Variants in PDE11A observed in about 807,000 individuals in gnomAD.
PDE11A encodes the protein dual 3',5'-cyclic-AMP and -GMP phosphodiesterase 11A.
In PDE11A, 100 loss-of-function variants were observed where a neutral mutation model predicts 100.5. The observed-to-expected ratio is 1.00, with a 90% confidence interval of 0.85 to 1.18. PDE11A has a LOEUF of 1.18. PDE11A is among the 50% of genes most tolerant of loss of function. The pLI, the probability that PDE11A is intolerant of heterozygous loss-of-function variation, is 0.00. For missense variants in PDE11A, 1,141 were observed against 1,152.6 expected (o/e 0.99, Z 0.15); for synonymous variants, 381 against 420.8 (o/e 0.91, Z 1.16).
At chr2:178,095,050 C>G (rs1484078159) in intron 2 of PDE11A, among the ~76,000 whole-genome samples, 1 of 152,168 alleles carries the variant, frequency 6.6e-6, no homozygotes, top group East Asian at 1.9e-4. Flanking sequence ...CATTCCACCC[C>G]TGACCCCTTC....
At chr2:177,847,845 C>T (rs192798754) in intron 5 of PDE11A, among the ~76,000 whole-genome samples, 1 of 152,170 alleles carries the variant, frequency 6.6e-6, no homozygotes, top group African/African-American at 2.4e-5. Context: ...TTTGCCCATA[C>T]CCCTCTCTGT....
At chr2:177,834,328 G>T (rs1398393605) in intron 6 of PDE11A, among the ~76,000 whole-genome samples, 1 of 152,154 alleles carries the variant, frequency 6.6e-6, no homozygotes, top group Non-Finnish European at 1.5e-5. Context: ...TTTTCTGAAG[G>T]CAGAGGAAAC....
chr2:177,638,588 G>C (rs2080089380), intron 19 of PDE11A, among the ~76,000 whole-genome samples: 1 of 151,484 alleles, frequency 6.6e-6, no homozygotes, highest in South Asian at 2.1e-4. Context: ...TTATATTGTT[G>C]GGTGATGGAT....
At chr2:178,018,887 A>G (rs2086373419) in intron 1 of PDE11A, among the ~76,000 whole-genome samples, 1 of 152,184 alleles carries the variant, frequency 6.6e-6, no homozygotes, top group African/African-American at 2.4e-5. Context: ...GAGGATTTGT[A>G]TTCAAGAAAC....
intron 2 of PDE11A, among the ~76,000 whole-genome samples, chr2:177,947,579 AAG>A (rs2085458955): frequency 6.6e-6 from 1 of 151,802 alleles, no homozygotes; most frequent in African/African-American, 2.4e-5. Context: ...CATGCTCGTT[AAG>A]AGTCATCACC....
chr2:177,906,207 A>G (rs1469256909), intron 2 of PDE11A, among the ~76,000 whole-genome samples: 1 of 151,610 alleles, frequency 6.6e-6, no homozygotes, highest in Non-Finnish European at 1.5e-5. Context: ...GCACGCACAC[A>G]ATGGTGCCCT....
At chr2:177,979,619 T>G (rs1285222636) in intron 2 of PDE11A, among the ~76,000 whole-genome samples, 3 of 139,308 alleles carry the variant, frequency 2.2e-5, no homozygotes. Flanking sequence ...ATCTTTTTTT[T>G]TTTTTTTTTG....
intron 2 of PDE11A, among the ~76,000 whole-genome samples, chr2:177,991,594 C>A (rs1360674661): frequency 6.6e-6 from 1 of 151,022 alleles, no homozygotes; most frequent in Admixed American, 6.6e-5. Context: ...GAGACCACAC[C>A]ACTGCACTCC....
At chr2:177,916,860 C>T (rs1416574241) in intron 2 of PDE11A, among the ~76,000 whole-genome samples, 1 of 151,636 alleles carries the variant, frequency 6.6e-6, no homozygotes, top group Non-Finnish European at 1.5e-5. Context: ...CCCGGGTCCA[C>T]CGCCATTCTC....
At chr2:178,033,803 A>G (rs1469355636) in intron 1 of PDE11A, among the ~76,000 whole-genome samples, 2 of 152,144 alleles carry the variant, frequency 1.3e-5, no homozygotes, top group Non-Finnish European at 2.9e-5. Context: ...AGCCAAACTA[A>G]GCTTCATAAG....
At chr2:178,084,370 T>A (rs1309200628) in intron 2 of PDE11A, among the ~76,000 whole-genome samples, 4 of 152,254 alleles carry the variant, frequency 2.6e-5, no homozygotes, top group Non-Finnish European at 5.9e-5. Context: ...TATCAAATAA[T>A]CTCAGTTATC....
intron 10 of PDE11A, among the ~76,000 whole-genome samples, chr2:177,748,399 G>A (rs906490334): frequency 8.5e-5 from 13 of 152,156 alleles, no homozygotes; most frequent in African/African-American, 3.1e-4. Context: ...AATGAATCAA[G>A]TCGTATTTCT....
intron 9 of PDE11A, among the ~76,000 whole-genome samples, chr2:177,782,938 C>G (rs1324557121): frequency 6.6e-6 from 1 of 151,868 alleles, no homozygotes; most frequent in Non-Finnish European, 1.5e-5. Flanking sequence ...AACAAACAAA[C>G]AAACAAACAA....
chr2:177,995,664 G>GT (rs2086064267), intron 2 of PDE11A, among the ~76,000 whole-genome samples: 1 of 144,802 alleles, frequency 6.9e-6, no homozygotes, highest in Non-Finnish European at 1.5e-5. Flanking sequence ...CGCATCTGCT[G>GT]TTTTAACCTA....
At chr2:177,900,841 G>C (rs1441389190) in intron 3 of PDE11A, among the ~76,000 whole-genome samples, 2 of 152,172 alleles carry the variant, frequency 1.3e-5, no homozygotes, top group African/African-American at 4.8e-5. Context: ...ATGAGCAATT[G>C]AAAGAGGACC....
At chr2:178,091,360 T>G (rs1261291424) in intron 2 of PDE11A, among the ~76,000 whole-genome samples, 2 of 152,160 alleles carry the variant, frequency 1.3e-5, no homozygotes, top group Non-Finnish European at 2.9e-5. Flanking sequence ...CGTGAGCCAC[T>G]GCACCTAGCC....
rs1435481399 is a variant in PDE11A, at chr2:178,071,334, G to A, written c.912+192C>T. On this transcript the variant is annotated intron_variant, in intron 1 of 19. Transcript: ENST00000286063. ...ATATTAACTTCCCACAAGCCATTGGGTGTTAAGAAAGGACCAACACATCAA... is the reference window on the plus strand; with the variant it reads ...ATATTAACTTCCCACAAGCCATTGGATGTTAAGAAAGGACCAACACATCAA... Among the ~76,000 whole-genome samples the A allele has an allele frequency of 4.6e-5, 7 of 152,286 alleles. No individual in the cohort carries two copies. In the East Asian group the frequency reaches 1.4e-3, roughly 29 times the overall value.
intron 2 of PDE11A, among the ~76,000 whole-genome samples, chr2:177,947,512 T>C (rs1559019708): frequency 6.6e-6 from 1 of 152,192 alleles, no homozygotes; most frequent in Admixed American, 6.5e-5. Flanking sequence ...CCACTCAGCG[T>C]TGAATGGATT....
rs1389734927 is a variant in PDE11A, at chr2:177,697,363, T to A, written c.2314A>T (p.Ile772Leu). The change falls in exon 15 of 20, where the codon ATA becomes TTA. Residue 772 changes from isoleucine to leucine, a missense_variant. Transcript: ENST00000286063. ...SDLMQLLKQS[I>L]LATDLTLYFE... ...TACAGCGTGAGGTCTGTTGCCAATA[T>A]TGACTGCTTCAAAAGCTGCATAAGG... 1.3e-6 allele frequency: 2 copies of A among 1,596,264 alleles called. No homozygotes were observed. Among genetic ancestry groups the A allele is most frequent in the South Asian group, 1.1e-5 (1 of 90,748 alleles).
Sources: allele counts gnomAD v4.1 joint callset (sites outside exome capture counted in the v4.1 genomes callset), GRCh38; gene constraint gnomAD v4.1.1; transcripts MANE v1.5; gene names NCBI Gene and HGNC (gene_info 2026-07-23, HGNC 2026-07-21).